The following MEOX1 variants were observed in gnomAD, a reference collection of about 807,000 sequenced individuals.
The protein encoded by MEOX1 is homeobox protein MOX-1.
In MEOX1, 17 loss-of-function variants were observed where a neutral mutation model predicts 23.2. The observed-to-expected ratio is 0.73, with a 90% CI of 0.50 to 1.10. The LOEUF (loss-of-function observed/expected upper bound fraction) is 1.10. Among genes scored for constraint, MEOX1 ranks in the 50% least tolerant of loss-of-function variants. The pLI is 0.00. For missense variants in MEOX1, 333 were observed against 332.2 expected (o/e 1.00, Z -0.02); for synonymous variants, 134 against 135.1 (o/e 0.99, Z 0.06).
At chr17:43,659,476 G>T (rs1973100820) in intron 1 of MEOX1, among the ~76,000 whole-genome samples, 3 of 152,124 alleles carry the variant, frequency 2.0e-5, no homozygotes, top group African/African-American at 7.2e-5. Flanking sequence ...ATTTCAAAAT[G>T]AGGACTGCAT....
At chr17:43,645,171 CTTTTTTTTTTTT>C in intron 1 of MEOX1, among the ~76,000 whole-genome samples, 1 of 99,782 alleles carries the variant, frequency 1.0e-5, no homozygotes, top group African/African-American at 5.2e-5. Flanking sequence ...CATTAATTAT[CTTTTTTTTTTTT>C]TTTTTTTTTT....
chr17:43,660,357 C>A (rs545776890), intron 1 of MEOX1, among the ~76,000 whole-genome samples: 1 of 152,328 alleles, frequency 6.6e-6, no homozygotes, highest in South Asian at 2.1e-4. Context: ...AGAGGCTGCC[C>A]ATCCCTTGCA....
At chr17:43,646,298 G>A (rs1972813059) in intron 1 of MEOX1, among the ~76,000 whole-genome samples, 4 of 152,088 alleles carry the variant, frequency 2.6e-5, no homozygotes, top group African/African-American at 9.7e-5. Flanking sequence ...CGCCGCCAGC[G>A]CCGCGCCCCC....
chr17:43,642,888 G>T (rs912915483), intron 2 of MEOX1, among the ~76,000 whole-genome samples: 1 of 152,200 alleles, frequency 6.6e-6, no homozygotes, highest in African/African-American at 2.4e-5. Context: ...TAGCCAGACC[G>T]TAGGTCCCAA....
chr17:43,648,060 A>T (rs900595819), intron 1 of MEOX1, among the ~76,000 whole-genome samples: 2 of 152,198 alleles, frequency 1.3e-5, no homozygotes, highest in African/African-American at 4.8e-5. Flanking sequence ...CAGTATTACA[A>T]ATTGCAATAT....
chr17:43,655,661 A>T (rs1438453797), intron 1 of MEOX1, among the ~76,000 whole-genome samples: 10 of 25,274 alleles, frequency 4.0e-4, no homozygotes, highest in South Asian at 6.3e-3. Flanking sequence ...CTGTCTTTCT[A>T]AAAAAAAAAA....
intron 1 of MEOX1, among the ~76,000 whole-genome samples, chr17:43,654,649 C>T (rs1342594254): frequency 1.3e-5 from 2 of 152,134 alleles, no homozygotes; most frequent in African/African-American, 4.8e-5. Context: ...AGCGAGACCC[C>T]TGTCTCTATA....
chr17:43,642,329 C>T (rs962935321), intron 2 of MEOX1, among the ~76,000 whole-genome samples: 2 of 152,218 alleles, frequency 1.3e-5, no homozygotes, highest in Non-Finnish European at 2.9e-5. Context: ...CCAGGTCCCC[C>T]TGCCCCCTAC....
intron 1 of MEOX1, among the ~76,000 whole-genome samples, chr17:43,657,034 C>CTTTA (rs1486517669): frequency 5.4e-5 from 7 of 130,478 alleles, no homozygotes; most frequent in South Asian, 2.6e-4. Flanking sequence ...TTCTTTCTTT[C>CTTTA]TTTCTTTCTT....
intron 1 of MEOX1, 63 bp downstream of exon 1, chr17:43,661,003 G>C: frequency 1.8e-6 from 2 of 1,084,796 alleles, no homozygotes; most frequent in Non-Finnish European, 2.6e-6. Flanking sequence ...GGCACAGAGA[G>C]GGTGAGTAAC....
At chr17:43,650,889 G>A (rs1350586061) in intron 1 of MEOX1, among the ~76,000 whole-genome samples, 1 of 152,158 alleles carries the variant, frequency 6.6e-6, no homozygotes, top group Non-Finnish European at 1.5e-5. Flanking sequence ...ACTGAGCCCT[G>A]CCCCACCCCA....
intron 1 of MEOX1, among the ~76,000 whole-genome samples, chr17:43,656,299 C>T (rs1359879810): frequency 6.6e-6 from 1 of 151,748 alleles, no homozygotes; most frequent in Non-Finnish European, 1.5e-5. Flanking sequence ...GTGCTCTAGG[C>T]AAGGAGAAAC....
intron 1 of MEOX1, among the ~76,000 whole-genome samples, chr17:43,657,035 TTTCTTTCTTTCTTTCTTTCTTTCC>T (rs1567748327): frequency 2.9e-4 from 38 of 132,734 alleles, no homozygotes; most frequent in African/African-American, 1.0e-3. Context: ...TCTTTCTTTC[TTTCTTTCTTTCTTTCTTTCTTTCC>T]TTCCTTCCTT....
intron 1 of MEOX1, among the ~76,000 whole-genome samples, chr17:43,654,786 C>T (rs937552477): frequency 3.3e-5 from 5 of 152,138 alleles, no homozygotes; most frequent in Non-Finnish European, 5.9e-5. Flanking sequence ...GGTGCAGTGA[C>T]TCACACCTGT....
chr17:43,642,231 G>A (rs891562174), intron 2 of MEOX1, among the ~76,000 whole-genome samples, 199 bp from the exon 3 acceptor site: 1 of 152,144 alleles, frequency 6.6e-6, no homozygotes, highest in African/African-American at 2.4e-5. Context: ...CTGTCTTGTG[G>A]CTTCGGATAA....
At chr17:43,657,182 T>G (rs12939808) in intron 1 of MEOX1, among the ~76,000 whole-genome samples, 1,473 of 140,932 alleles carry the variant, frequency 0.01, 30 homozygotes, top group African/African-American at 0.037. Context: ...TTTTTTTTTT[T>G]TTTTTTGATG....
intron 1 of MEOX1, among the ~76,000 whole-genome samples, chr17:43,645,955 C>G (rs1320828427): frequency 1.3e-5 from 2 of 152,244 alleles, no homozygotes; most frequent in African/African-American, 4.8e-5. Flanking sequence ...GCTGCGCGTC[C>G]GTGGCCTCCG....
At chr17:43,644,081 T>G (rs888112860) in intron 1 of MEOX1, among the ~76,000 whole-genome samples, 22 of 152,108 alleles carry the variant, frequency 1.4e-4, no homozygotes, top group African/African-American at 4.8e-4. Flanking sequence ...TGAGAGCTTG[T>G]TACAAATGCA....
chr17:43,650,341 G>T (rs1972891806), intron 1 of MEOX1, among the ~76,000 whole-genome samples: 1 of 152,162 alleles, frequency 6.6e-6, no homozygotes, highest in Non-Finnish European at 1.5e-5. Context: ...CTAGAACCCA[G>T]ATTTTCTTGT....
Sources: allele counts gnomAD v4.1 joint callset (sites outside exome capture counted in the v4.1 genomes callset), GRCh38; gene constraint gnomAD v4.1.1; transcripts MANE v1.5; gene names NCBI Gene and HGNC (gene_info 2026-07-23, HGNC 2026-07-21).